The following ARL14EPL variants were observed in gnomAD, a reference collection of about 807,000 sequenced individuals.
ARL14EPL encodes the protein ARL14 effector protein-like.
A neutral mutation model predicts 15.9 loss-of-function variants in ARL14EPL; 17 were observed. That is an observed-to-expected ratio of 1.07 (90% CI 0.73 to 1.60). The LOEUF is 1.60. Ranked by LOEUF, ARL14EPL falls within the 40% of genes most tolerant of loss-of-function variation. ARL14EPL has a pLI of 0.00. For synonymous variants in ARL14EPL, 78 were observed against 63.8 expected, an observed-to-expected ratio of 1.22 and a Z score of -1.06; for missense variants, 214 against 185.9, an observed-to-expected ratio of 1.15 and a Z score of -0.88.
intron 1 of ARL14EPL, among the ~76,000 whole-genome samples, chr5:116,050,780 ATCTCTCTCTCTCTCTC>A (rs141191776): frequency 4.7e-5 from 6 of 128,866 alleles, no homozygotes; most frequent in Non-Finnish European, 8.2e-5. Flanking sequence ...TATGGGCTCC[ATCTCTCTCTCTCTCTC>A]TCTCTCTCTC....
chr5:116,053,576 G>C (rs1749446426), intron 2 of ARL14EPL, among the ~76,000 whole-genome samples: 1 of 152,072 alleles, frequency 6.6e-6, no homozygotes, highest in Non-Finnish European at 1.5e-5. Context: ...CACTGAAGGG[G>C]AGTGCCGGAT....
chr5:116,054,420 G>T (rs995310542), intron 3 of ARL14EPL, among the ~76,000 whole-genome samples: 1 of 152,158 alleles, frequency 6.6e-6, no homozygotes, highest in Non-Finnish European at 1.5e-5. Flanking sequence ...TGATTTAAAA[G>T]TAACAAAAAT....
intron 2 of ARL14EPL, chr5:116,052,287 C>T (rs567125880): frequency 2.6e-5 from 38 of 1,440,988 alleles, no homozygotes; most frequent in South Asian, 1.8e-4. Context: ...GGCGGCATTG[C>T]GAAGCTCGGA....
intron 1 of ARL14EPL, among the ~76,000 whole-genome samples, chr5:116,035,942 A>G (rs558805341): frequency 6.6e-6 from 1 of 152,364 alleles, no homozygotes; most frequent in South Asian, 2.1e-4. Context: ...CTGGAAGCAA[A>G]CAGGAAGGAG....
chr5:116,053,941 G>C, intron 2 of ARL14EPL, 73 bp from the exon 3 acceptor site: 1 of 1,333,146 alleles, frequency 7.5e-7, no homozygotes, highest in Non-Finnish European at 1.0e-6. Context: ...GTTACAGAAA[G>C]TTCATTTTGG....
chr5:116,035,034 T>G (rs1272253260), intron 1 of ARL14EPL, among the ~76,000 whole-genome samples: 4 of 152,188 alleles, frequency 2.6e-5, no homozygotes, highest in African/African-American at 4.8e-5. Flanking sequence ...TCTCAGGATC[T>G]CTCTCCTTCC....
intron 3 of ARL14EPL, among the ~76,000 whole-genome samples, chr5:116,056,002 A>G (rs1182724796): frequency 6.6e-6 from 1 of 152,170 alleles, no homozygotes; most frequent in Non-Finnish European, 1.5e-5. Context: ...GTTGCATAGT[A>G]TTCCATGGTG....
In ARL14EPL at chr5:116,058,851, G is replaced by C; in HGVS notation, c.363G>C (p.Gly121=). ...CGAAGTGTAACTCCAACAAGTGTGG[G>C]CCCGAGTGCCGCTGCAACCGACGGT... is the stretch of plus-strand genomic sequence containing the variant. ...PCPKCNSNKC[G]PECRCNRRWV... is the part of the protein sequence containing the mutation. The change falls in exon 4 of 4, where the codon GGG becomes GGC. Residue 121 remains glycine, a synonymous_variant. Coordinates refer to ENST00000686077, the MANE Select transcript of ARL14EPL (RefSeq NM_001195581.2). 6.5e-7 allele frequency: 1 copy of C among 1,536,070 alleles called. No homozygotes were observed. The highest frequency in any genetic ancestry group is 1.7e-4 in the Middle Eastern group (1 of 5,970).
chr5:116,042,162 G>A (rs1171147026), intron 1 of ARL14EPL, among the ~76,000 whole-genome samples: 1 of 152,060 alleles, frequency 6.6e-6, no homozygotes, highest in African/African-American at 2.4e-5. Context: ...GATTCCCAGG[G>A]ACAGCACACT....
intron 1 of ARL14EPL, chr5:116,051,147 G>A (rs1429211706): frequency 4.5e-6 from 1 of 224,300 alleles, no homozygotes; most frequent in Non-Finnish European, 8.6e-6. Flanking sequence ...GTGTAAAGAA[G>A]GAAGAATGGA....
At chr5:116,057,779 G>A (rs1453972414) in intron 3 of ARL14EPL, among the ~76,000 whole-genome samples, 2 of 152,206 alleles carry the variant, frequency 1.3e-5, no homozygotes, top group African/African-American at 4.8e-5. Flanking sequence ...CGAACAGAAG[G>A]AGAGGAGGCA....
chr5:116,042,530 A>G (rs1351742600), intron 1 of ARL14EPL, among the ~76,000 whole-genome samples: 1 of 152,200 alleles, frequency 6.6e-6, no homozygotes, highest in Non-Finnish European at 1.5e-5. Context: ...TCACAGTAGA[A>G]CAGCAGCTTG....
At chr5:116,052,663 TTTAAGG>T (rs1298633552) in intron 2 of ARL14EPL, among the ~76,000 whole-genome samples, 4 of 130,970 alleles carry the variant, frequency 3.1e-5, no homozygotes, top group African/African-American at 8.5e-5. Flanking sequence ...TGCAGAACAG[TTTAAGG>T]TTAAGTTTAT....
chr5:116,036,843 A>G (rs911127577), intron 1 of ARL14EPL, among the ~76,000 whole-genome samples: 40 of 152,212 alleles, frequency 2.6e-4, no homozygotes, highest in African/African-American at 8.7e-4. Flanking sequence ...TTCCAGTTTC[A>G]GATGTCAAAT....
intron 2 of ARL14EPL, 41 bp from the exon 3 acceptor site, chr5:116,053,973 C>G: frequency 3.4e-6 from 5 of 1,467,474 alleles, no homozygotes; most frequent in Non-Finnish European, 4.5e-6. Context: ...ACAGATAAAA[C>G]TATCTGGTTC....
chr5:116,038,525 G>A (rs1162988913), intron 1 of ARL14EPL, among the ~76,000 whole-genome samples: 1 of 152,144 alleles, frequency 6.6e-6, no homozygotes, highest in Non-Finnish European at 1.5e-5. Flanking sequence ...GTCATGTCAT[G>A]CAAGGCCTAA....
intron 1 of ARL14EPL, among the ~76,000 whole-genome samples, chr5:116,046,811 C>A (rs1466509917): frequency 6.6e-6 from 1 of 152,146 alleles, no homozygotes; most frequent in Non-Finnish European, 1.5e-5. Flanking sequence ...ACTGTGTCCT[C>A]TCCAAATTCA....
chr5:116,051,906 C>G (rs1561579984), intron 2 of ARL14EPL: 2 of 1,503,984 alleles, frequency 1.3e-6, no homozygotes, highest in Non-Finnish European at 1.8e-6. Context: ...CTGGTTGGAC[C>G]TATTCATGCA....
intron 1 of ARL14EPL, among the ~76,000 whole-genome samples, chr5:116,043,332 G>T (rs1291523140): frequency 6.6e-6 from 1 of 151,960 alleles, no homozygotes; most frequent in African/African-American, 2.4e-5. Flanking sequence ...TTTAGTATGT[G>T]AATCCTTCAT....
Sources: gnomAD v4.1 joint callset for allele counts (sites outside exome capture counted in the v4.1 genomes callset) on GRCh38, gnomAD v4.1.1 for gene constraint, MANE v1.5 for transcripts, NCBI Gene and HGNC (gene_info 2026-07-23, HGNC 2026-07-21) for gene names.